TMEM50B: variants seen among roughly 807,000 people sequenced by gnomAD.
TMEM50B encodes the protein HCV p7-trans-regulated protein 3.
A neutral mutation model predicts 23.4 loss-of-function variants in TMEM50B; 14 were observed. That is an observed-to-expected ratio of 0.60 (90% CI 0.39 to 0.93). The LOEUF is 0.93. Ranked by LOEUF, TMEM50B falls within the 40% of genes least tolerant of loss-of-function variation. TMEM50B has a pLI of 0.00. For missense variants in TMEM50B, 159 were observed against 193.0 expected (o/e 0.82, Z 1.04); for synonymous variants, 64 against 62.3 (o/e 1.03, Z -0.13).
At position 33,468,770 on chromosome 21, in the gene TMEM50B, C is replaced by A. The variant is rs756820613; in HGVS notation, c.99+17G>T. 1.9e-6 allele frequency: 3 copies of A among 1,601,434 alleles called. No homozygotes were observed. In the African/African-American group the frequency reaches 4.0e-5, roughly 21 times the overall value. ...AAGGTAAGGGATACATGTCACCAAC[C>A]AGTCTTTCTCACTTACCAATATACC... On this transcript the variant is annotated intron_variant, in intron 2 of 6. Transcript: ENST00000542230.
At chr21:33,453,398 T>A (rs2084140531) in intron 6 of TMEM50B, among the ~76,000 whole-genome samples, 2 of 151,958 alleles carry the variant, frequency 1.3e-5, no homozygotes, top group Non-Finnish European at 2.9e-5. Flanking sequence ...CCGAGATTAA[T>A]TTTAAAATGT....
At chr21:33,436,538 CAT>C (rs2083953000) in intron 8 of TMEM50B, among the ~76,000 whole-genome samples, 1 of 151,964 alleles carries the variant, frequency 6.6e-6, no homozygotes, top group African/African-American at 2.4e-5. Context: ...GCGTGGCCAA[CAT>C]AGTGAAACCC....
intron 7 of TMEM50B, chr21:33,439,375 G>C (rs917867208): frequency 6.6e-6 from 1 of 151,828 alleles, no homozygotes; most frequent in Non-Finnish European, 1.5e-5. Context: ...AAGTGCATCT[G>C]TGCCACCCCA....
intron 1 of TMEM50B, among the ~76,000 whole-genome samples, chr21:33,475,847 G>A (rs368515036): frequency 2.0e-5 from 3 of 151,852 alleles, no homozygotes; most frequent in East Asian, 3.9e-4. Flanking sequence ...CCAGCTACTC[G>A]GGAGGCTGAG....
chr21:33,465,591 T>C (rs1205513096), intron 3 of TMEM50B, among the ~76,000 whole-genome samples, 182 bp from the exon 4 acceptor site: 1 of 152,242 alleles, frequency 6.6e-6, no homozygotes, highest in Non-Finnish European at 1.5e-5. Context: ...AGTCTTATTT[T>C]CATAAAGTAC....
chr21:33,455,368 T>C (rs1352156739), intron 6 of TMEM50B, among the ~76,000 whole-genome samples: 3 of 152,168 alleles, frequency 2.0e-5, no homozygotes, highest in East Asian at 3.9e-4. Context: ...TATTTTTTTA[T>C]AGAGACAGGG....
chr21:33,469,135 T>C (rs1472800323), intron 1 of TMEM50B, among the ~76,000 whole-genome samples: 1 of 152,192 alleles, frequency 6.6e-6, no homozygotes, highest in Non-Finnish European at 1.5e-5. Flanking sequence ...ATTTGATAAA[T>C]GAGCACTATG....
At chr21:33,436,851 C>T (rs2083958809) in intron 8 of TMEM50B, 1 of 1,614,086 alleles carries the variant, frequency 6.2e-7, no homozygotes, top group African/African-American at 1.3e-5. Context: ...CAACTCAGCC[C>T]ATCTTAGAGG....
At chr21:33,457,227 C>G (rs2084177092) in intron 5 of TMEM50B, among the ~76,000 whole-genome samples, 1 of 151,714 alleles carries the variant, frequency 6.6e-6, no homozygotes, top group African/African-American at 2.4e-5. Context: ...GCACTCTAGC[C>G]TGGACGACAG....
In TMEM50B at chr21:33,450,715, A is replaced by G; in HGVS notation, c.*103T>C. On this transcript the variant is annotated 3_prime_UTR_variant, in exon 7 of 7. Transcript: ENST00000542230. ...ACATAAAAATGTAAAGAAACAAAAC[A>G]TTTAATGTACAATCTACTCCATTTG... 1 of 843,328 alleles carries G rather than the reference A, an allele frequency of 1.2e-6. No individual in the cohort carries two copies. Among genetic ancestry groups the G allele is most frequent in the East Asian group, 2.5e-5 (1 of 40,316 alleles). 52.2% of individuals were successfully genotyped at this position (843,328 alleles called of 1,614,324 possible). A position where few individuals can be genotyped will look rare whatever the true frequency, so the allele number is the denominator to read the frequency against.
chr21:33,457,862 C>T (rs940265229), intron 5 of TMEM50B, among the ~76,000 whole-genome samples: 1 of 152,082 alleles, frequency 6.6e-6, no homozygotes, highest in Non-Finnish European at 1.5e-5. Flanking sequence ...CCAACCCACC[C>T]CCCGGAACCT....
intron 8 of TMEM50B, chr21:33,432,976 C>G (rs2083905341): frequency 1.0e-6 from 1 of 973,614 alleles, no homozygotes; most frequent in African/African-American, 1.6e-5. Flanking sequence ...GCCTCCATCT[C>G]CCAGGTTCAA....
chr21:33,455,811 G>T, intron 5 of TMEM50B, 27 bp from the exon 6 acceptor site: 2 of 1,582,096 alleles, frequency 1.3e-6, no homozygotes, highest in Non-Finnish European at 1.7e-6. Flanking sequence ...AAACAGATTA[G>T]ACGGTTATAT....
chr21:33,432,587 G>A (rs1050780770), exon 9 of TMEM50B: 1 of 1,050,534 alleles, frequency 9.5e-7, no homozygotes, highest in Admixed American at 1.7e-5. Flanking sequence ...GTGAGGGTGG[G>A]GGGTAGAGGG....
chr21:33,455,733 A>G lies in TMEM50B; in HGVS notation c.425T>C (p.Phe142Ser). The change falls in exon 6 of 7, where the codon TTT (phenylalanine) becomes TCT (serine). Residue 142 changes from phenylalanine to serine, a missense_variant. Coordinates refer to ENST00000542230, the MANE Select transcript of TMEM50B (RefSeq NM_006134.7). Reference protein sequence around the residue: ...LAVFFQNALIFFSTLIYKFGR... With the variant: ...LAVFFQNALISFSTLIYKFGR... The stretch of plus-strand genomic sequence containing the variant: ...AAAAAATAAGGCAACTTACCTAAAA[A>G]ATATAAGTGCATTTTGAAAAAACAC... The G allele has an allele frequency of 6.2e-7, 1 of 1,613,634 alleles. No individual in the cohort carries two copies. The highest frequency in any genetic ancestry group is 8.5e-7 in the Non-Finnish European group (1 of 1,179,588).
At chr21:33,432,585 G>A (rs933681029) in exon 9 of TMEM50B, 3 of 1,024,016 alleles carry the variant, frequency 2.9e-6, no homozygotes, top group Admixed American at 1.7e-5. Flanking sequence ...AGGTGAGGGT[G>A]GGGGGTAGAG....
intron 1 of TMEM50B, among the ~76,000 whole-genome samples, chr21:33,477,270 C>T (rs193164579): frequency 6.7e-6 from 1 of 150,250 alleles, no homozygotes; most frequent in Admixed American, 6.6e-5. Flanking sequence ...CTGGGCAACA[C>T]AGTGAGACCC....
At chr21:33,464,987 A>G (rs1191499177) in intron 4 of TMEM50B, 1 of 183,890 alleles carries the variant, frequency 5.4e-6, no homozygotes, top group African/African-American at 2.4e-5. Context: ...TTGATCCCCT[A>G]ATGTGTTCAT....
Position 33,450,759 on chromosome 21 carries a change from TA to T in TMEM50B, c.*58del. ...CCATTTGGCAATGTGTACTGAGAGA[TA>T]AAAAACCTATCTACAAACAGAATAT... is the stretch of plus-strand genomic sequence containing the variant. On this transcript the variant is annotated 3_prime_UTR_variant, in exon 7 of 7. Transcript: ENST00000542230. The T allele has an allele frequency of 6.9e-7, 1 of 1,446,232 alleles. No individual in the cohort carries two copies. The highest frequency in any genetic ancestry group is 9.6e-7 in the Non-Finnish European group (1 of 1,041,426). The allele number at this position is 1,446,232 out of a possible 1,614,324, so 89.6% of individuals were successfully genotyped here.
Sources: allele counts gnomAD v4.1 joint callset (sites outside exome capture counted in the v4.1 genomes callset), GRCh38; gene constraint gnomAD v4.1.1; transcripts MANE v1.5; gene names NCBI Gene and HGNC (gene_info 2026-07-23, HGNC 2026-07-21).